DNAH11: variants seen among roughly 807,000 people sequenced by gnomAD.
DNAH11 encodes dynein axonemal heavy chain 11, also known as axonemal beta dynein heavy chain 11.
A neutral mutation model predicts 526.0 loss-of-function variants in DNAH11; 442 were observed. The ratio of observed to expected loss-of-function variants is 0.84; its 90% CI spans 0.78 to 0.91. The LOEUF is 0.91. Ranked by LOEUF, DNAH11 falls within the 40% of genes least tolerant of loss-of-function variation. The pLI, the probability that DNAH11 is intolerant of heterozygous loss-of-function variation, is 0.00. For synonymous variants in DNAH11, 2,461 were observed against 1,935.9 expected (o/e 1.27, Z -7.12); for missense variants, 6,989 against 5,448.7 (o/e 1.28, Z -8.90).
rs1352719525 is a variant in DNAH11, at chr7:21,901,005, A to C, written c.13304-2A>C. ...ATTGCAACCGCTGTGTTTTTGCCAT[A>C]GGCGCCCGCTGGGACACCCAAGCAG... On this transcript the variant is annotated splice_acceptor_variant, in intron 81 of 81. Coordinates refer to ENST00000409508, the MANE Select transcript of DNAH11 (RefSeq NM_001277115.2). LOFTEE classifies it high-confidence loss of function. 6.3e-7 allele frequency: 1 copy of C among 1,580,980 alleles called. No homozygotes were observed.
chr7:21,895,191 AAGAC>A (rs971744508), intron 79 of DNAH11, among the ~76,000 whole-genome samples, 192 bp downstream of exon 79: 46 of 152,360 alleles, frequency 3.0e-4, no homozygotes, highest in African/African-American at 1.1e-3. Context: ...AAATAGTTAA[AAGAC>A]AGGGTCAGAG....
Position 21,782,907 on chromosome 7 carries a change from CAAAAA to C in DNAH11, c.9484-1509_9484-1505del, listed in dbSNP as rs747285978. ...CCTGGGTGACAGAACGAAACTGTCT[CAAAAA>C]AAAAAAAAAAGAAAGAAAGAAAGAG... is the stretch of plus-strand genomic sequence containing the variant. On this transcript the variant is annotated intron_variant, in intron 57 of 81. Transcript: ENST00000409508. 1.9e-4 allele frequency among the ~76,000 whole-genome samples: 12 copies of C among 64,524 alleles called. No individual in the cohort carries two copies. The East Asian group carries it at 4.6e-3, about 25-fold the overall frequency. The allele number at this position is 64,524 out of a possible 152,430, so 42.3% of individuals were successfully genotyped here.
At chr7:21,749,943 T>C in intron 53 of DNAH11, 142 bp downstream of exon 53, 1 of 1,293,146 alleles carries the variant, frequency 7.7e-7, no homozygotes, top group Non-Finnish European at 1.1e-6. Context: ...CCTAACTAAT[T>C]TGAGGTGTAT....
chr7:21,793,710 C>A (rs1232392115), intron 61 of DNAH11, among the ~76,000 whole-genome samples: 1 of 151,778 alleles, frequency 6.6e-6, no homozygotes, highest in Non-Finnish European at 1.5e-5. Context: ...TTTAGTTTAT[C>A]ATTAATGTTT....
In DNAH11 at chr7:21,899,464, G is replaced by A. The variant is rs772598686; in HGVS notation, c.13162+16G>A. 1.9e-6 allele frequency: 3 copies of A among 1,591,318 alleles called. No individual in the cohort carries two copies. Among genetic ancestry groups the A allele is most frequent in the African/African-American group, 1.3e-5 (1 of 74,340 alleles). On this transcript the variant is annotated intron_variant, in intron 80 of 81. Transcript: ENST00000409508. ...TTCTTAACTGGTAAGGGCTGACGCA[G>A]TGCAGCCCCTGATGCACACAGGACC...
chr7:21,760,678 C>G (rs778367878), intron 54 of DNAH11, among the ~76,000 whole-genome samples: 2 of 152,156 alleles, frequency 1.3e-5, no homozygotes, highest in African/African-American at 2.4e-5. Flanking sequence ...ATCATGTCTA[C>G]CATCCATGAT....
In DNAH11 at chr7:21,683,938, C is replaced by G. The variant is rs1384758891; in HGVS notation, c.5615C>G (p.Thr1872Ser). ...CCTCGACTAGTGATCACTCCTCTAA[C>G]TGACAGGTAACAATTCAAAGTTTCC... ...NSPRLVITPL[T>S]DRCYITLTQS... Residue 1872 changes from threonine (T) to serine (S), a missense_variant, in exon 32 of 82, where the codon ACT becomes AGT. Physicochemically the swap from Thr to Ser is moderately conservative, Grantham distance 58. Coordinates refer to ENST00000409508, the MANE Select transcript of DNAH11 (RefSeq NM_001277115.2). 4 of 1,612,804 alleles carry G rather than the reference C, an allele frequency of 2.5e-6. No individual in the cohort carries two copies. Among genetic ancestry groups the G allele is most frequent in the Non-Finnish European group, 2.5e-6 (3 of 1,179,236 alleles).
Position 21,891,379 on chromosome 7 carries a change from G to T in DNAH11, c.12508-1046G>T, listed in dbSNP as rs116159294. 6.5e-3 allele frequency among the ~76,000 whole-genome samples: 982 copies of T among 152,218 alleles called. 10 individuals carry two copies. Among genetic ancestry groups the T allele is most frequent in the African/African-American group, 0.022 (921 of 41,534 alleles). ...TACATTTAAGTGCACATACAGACAG[G>T]ATTTACGGTGCAAGAGACTGGGAGA... On this transcript the variant is annotated intron_variant, in intron 76 of 81. Coordinates refer to ENST00000409508, the MANE Select transcript of DNAH11 (RefSeq NM_001277115.2).
intron 25 of DNAH11, among the ~76,000 whole-genome samples, chr7:21,626,255 C>T (rs543208379): frequency 6.6e-6 from 1 of 152,232 alleles, no homozygotes; most frequent in Admixed American, 6.5e-5. Flanking sequence ...AACATAATGT[C>T]CTCTAGTTCC....
At chr7:21,632,486 G>A (rs1786662459) in intron 25 of DNAH11, among the ~76,000 whole-genome samples, 1 of 152,074 alleles carries the variant, frequency 6.6e-6, no homozygotes, top group South Asian at 2.1e-4. Flanking sequence ...CAGCACCCAA[G>A]TCACCTCTCG....
At chr7:21,848,131 C>A (rs1782489467) in intron 66 of DNAH11, among the ~76,000 whole-genome samples, 1 of 146,180 alleles carries the variant, frequency 6.8e-6, no homozygotes, top group South Asian at 2.1e-4. Flanking sequence ...TGCACCACTG[C>A]ACTCCAGCCT....
In DNAH11 at chr7:21,581,878, A is replaced by G. The variant is rs749842236; in HGVS notation, c.1594-27A>G. ...TTCGCTGTTGGATTATTTCCAATAT[A>G]CTAATATTTCACTTTGAATTTTACA... On this transcript the variant is annotated intron_variant, in intron 8 of 81. Coordinates refer to ENST00000409508, the MANE Select transcript of DNAH11 (RefSeq NM_001277115.2). The G allele has an allele frequency of 7.1e-6, 10 of 1,406,482 alleles. No homozygotes were observed. The East Asian group carries it at 1.1e-4, about 16-fold the overall frequency. 87.1% of individuals were successfully genotyped at this position (1,406,482 alleles called of 1,614,324 possible).
intron 12 of DNAH11, 126 bp from the exon 13 acceptor site, chr7:21,590,792 T>C: frequency 1.7e-6 from 1 of 587,078 alleles, no homozygotes; most frequent in Non-Finnish European, 2.6e-6. Context: ...AACAAAAGTC[T>C]ATTTACCTTG....
At chr7:21,637,767 T>TA (rs1210245635) in intron 27 of DNAH11, 65 bp downstream of exon 27, 1 of 955,848 alleles carries the variant, frequency 1.0e-6, no homozygotes, top group African/African-American at 1.7e-5. Flanking sequence ...TTCACATACC[T>TA]AATAGTATTT....
chr7:21,890,497 G>A (rs991449026), intron 76 of DNAH11, among the ~76,000 whole-genome samples: 3 of 152,098 alleles, frequency 2.0e-5, no homozygotes, highest in African/African-American at 7.2e-5. Flanking sequence ...GATTTATTAA[G>A]GACAGATTAA....
Position 21,700,905 on chromosome 7 carries a change from A to C in DNAH11, c.6181-1805A>C, listed in dbSNP as rs530372583. On this transcript the variant is annotated intron_variant, in intron 36 of 81. Coordinates refer to ENST00000409508, the MANE Select transcript of DNAH11 (RefSeq NM_001277115.2). ...ATTCTCACTCATAAGTAGGAGTTGA[A>C]CAGTGAGAACATATGGGCACAAGGA... Among the ~76,000 whole-genome samples, 8 of 152,292 alleles carry C rather than the reference A, an allele frequency of 5.3e-5. No individual in the cohort carries two copies. The East Asian group carries it at 1.5e-3, about 29-fold the overall frequency.
intron 22 of DNAH11, among the ~76,000 whole-genome samples, chr7:21,616,969 T>C (rs149835998): frequency 7.2e-5 from 11 of 152,334 alleles, no homozygotes; most frequent in African/African-American, 2.2e-4. Context: ...CTCTCGCCTG[T>C]ATTTTCCCCC....
At position 21,818,257 on chromosome 7, in the gene DNAH11, G is replaced by C; in HGVS notation, c.10609G>C (p.Val3537Leu). ...AIETALAFGDVILIENLEETI... is the reference protein window; with the variant it reads ...AIETALAFGDLILIENLEETI... ...TGAAACTGCTTTGGCCTTTGGTGAT[G>C]TCATCTTAATTGAAAATCTCGAGGA... The change falls in exon 65 of 82, where the codon GTC becomes CTC. Residue 3537 changes from valine (V) to leucine (L), a missense_variant. Val to Leu is a conservative substitution (Grantham distance 32). Transcript: ENST00000409508. The C allele has an allele frequency of 6.2e-7, 1 of 1,612,238 alleles. No homozygotes were observed. The highest frequency in any genetic ancestry group is 1.1e-5 in the South Asian group (1 of 90,846).
intron 63 of DNAH11, among the ~76,000 whole-genome samples, chr7:21,813,007 G>C (rs1227376567): frequency 6.6e-6 from 1 of 152,168 alleles, no homozygotes; most frequent in Admixed American, 6.5e-5. Context: ...GAAGGGTATG[G>C]GGGAAGGGTT....
Sources: gnomAD v4.1 joint callset for allele counts (sites outside exome capture counted in the v4.1 genomes callset) on GRCh38, gnomAD v4.1.1 for gene constraint, MANE v1.5 for transcripts, NCBI Gene and HGNC (gene_info 2026-07-23, HGNC 2026-07-21) for gene names.